Variants in HBEGF observed in about 807,000 individuals in gnomAD.
HBEGF encodes proheparin-binding EGF-like growth factor.
HBEGF carries 8 observed loss-of-function variants against 19.5 expected under a neutral mutation model. The ratio of observed to expected loss-of-function variants is 0.41; its 90% CI spans 0.24 to 0.74. HBEGF has a LOEUF of 0.74. Ranked by LOEUF, HBEGF falls within the 30% of genes least tolerant of loss-of-function variation. The pLI is 0.32. For synonymous variants in HBEGF, 97 were observed against 108.9 expected, an observed-to-expected ratio of 0.89 and a Z score of 0.68; for missense variants, 207 against 256.9, an observed-to-expected ratio of 0.81 and a Z score of 1.33.
rs1014389541 is a variant in HBEGF at position 140,332,972 on chromosome 5, C to T, written c.*1327G>A. 6.6e-6 allele frequency: 1 copy of T among 152,570 alleles called. No individual in the cohort carries two copies. Among genetic ancestry groups the T allele is most frequent in the African/African-American group, 2.4e-5 (1 of 41,430 alleles). 9.5% of individuals were successfully genotyped at this position (152,570 alleles called of 1,614,324 possible). A position where few individuals can be genotyped will look rare whatever the true frequency, so the allele number is the denominator to read the frequency against. On this transcript the variant is annotated 3_prime_UTR_variant, in exon 6 of 6. Coordinates refer to ENST00000230990, the MANE Select transcript of HBEGF (RefSeq NM_001945.3). ...AAGGACCATGACAGCATAACTTCAT[C>T]GTTTTGGTGAGGTGGGTGGGATTAT...
Position 140,346,251 on chromosome 5 carries a change from C to G in HBEGF, c.46+32G>C, listed in dbSNP as rs764754037. The G allele has an allele frequency of 2.6e-5, 42 of 1,590,532 alleles. No homozygotes were observed. Among genetic ancestry groups the G allele is most frequent in the Non-Finnish European group, 3.4e-5 (40 of 1,169,910 alleles). On this transcript the variant is annotated intron_variant, in intron 1 of 5. Transcript: ENST00000230990. The surrounding 1 kb of genome is among the most constrained non-coding windows in gnomAD (Gnocchi z 6.1). ...CCCCCAGCACAACGCCCCCATCCCC[C>G]CGATCTCCGGGGGCGTCGGCAGCCC...
At chr5:140,342,477 G>A (rs1206003667) in intron 3 of HBEGF, among the ~76,000 whole-genome samples, 158 bp downstream of exon 3, 1 of 152,270 alleles carries the variant, frequency 6.6e-6, no homozygotes, top group Non-Finnish European at 1.5e-5. Flanking sequence ...GGGGGCTTCC[G>A]CTGACTAAAA....
At chr5:140,345,096 C>G (rs775164546) in intron 2 of HBEGF, among the ~76,000 whole-genome samples, 2 of 152,206 alleles carry the variant, frequency 1.3e-5, no homozygotes, top group Non-Finnish European at 2.9e-5. Flanking sequence ...GGAACTAGAA[C>G]AGGTGGGCAT....
chr5:140,339,778 A>G (rs968907624), intron 3 of HBEGF, among the ~76,000 whole-genome samples: 1 of 152,144 alleles, frequency 6.6e-6, no homozygotes, highest in Non-Finnish European at 1.5e-5. Flanking sequence ...CTAGTTTAGG[A>G]AGCCAGCTAG....
At chr5:140,338,031 A>G (rs2126717068) in intron 3 of HBEGF, among the ~76,000 whole-genome samples, 1 of 152,358 alleles carries the variant, frequency 6.6e-6, no homozygotes, top group East Asian at 1.9e-4. Context: ...TGGCACAACT[A>G]GGAAGCAGCA....
At chr5:140,340,152 G>A (rs926401704) in intron 3 of HBEGF, among the ~76,000 whole-genome samples, 1 of 151,474 alleles carries the variant, frequency 6.6e-6, no homozygotes, top group African/African-American at 2.4e-5. Flanking sequence ...CAGATGTGGG[G>A]GCATGTGCCT....
At chr5:140,338,403 C>G (rs1388714669) in intron 3 of HBEGF, among the ~76,000 whole-genome samples, 1 of 152,178 alleles carries the variant, frequency 6.6e-6, no homozygotes, top group African/African-American at 2.4e-5. Context: ...GCTAGTGAGT[C>G]GTAGAGCCAG....
intron 4 of HBEGF, among the ~76,000 whole-genome samples, chr5:140,335,383 C>CAA (rs752308223): frequency 3.3e-5 from 3 of 91,092 alleles, no homozygotes; most frequent in Non-Finnish European, 4.6e-5. Flanking sequence ...GACTCTGTCT[C>CAA]AAAAAAAAAA....
At chr5:140,336,079 T>C in intron 3 of HBEGF, 52 bp from the exon 4 acceptor site, 1 of 1,582,118 alleles carries the variant, frequency 6.3e-7, no homozygotes, top group Non-Finnish European at 8.6e-7. Context: ...TGGCCTCTCT[T>C]GGCAATGGCC....
chr5:140,334,725 T>A lies in HBEGF; in HGVS notation c.578A>T (p.Asp193Val). The stretch of plus-strand genomic sequence containing the variant: ...CTTCACTTTCTCTTCATTTTCCACA[T>A]CATAACCTCCTCTCCTATGGTACCT... ...MFRYHRRGGYDVENEEKVKLG... is the reference protein window; with the variant it reads ...MFRYHRRGGYVVENEEKVKLG... Residue 193 changes from aspartate (D) to valine (V), a missense_variant, in exon 5 of 6, where the codon GAT becomes GTT. This residue lies in a region of HBEGF where 77 missense variants were observed against 106.9 expected (regional missense o/e 0.72). Transcript: ENST00000230990. 6.2e-7 allele frequency: 1 copy of A among 1,613,820 alleles called. No individual in the cohort carries two copies. Among genetic ancestry groups the A allele is most frequent in the Non-Finnish European group, 8.5e-7 (1 of 1,179,736 alleles).
In HBEGF at chr5:140,333,057, G is replaced by C. The variant is rs543403168; in HGVS notation, c.*1242C>G. 6.5e-6 allele frequency: 1 copy of C among 152,782 alleles called. No individual in the cohort carries two copies. Among genetic ancestry groups the C allele is most frequent in the Admixed American group, 6.5e-5 (1 of 15,312 alleles). 9.5% of individuals were successfully genotyped at this position (152,782 alleles called of 1,614,324 possible). On this transcript the variant is annotated 3_prime_UTR_variant, in exon 6 of 6. Transcript: ENST00000230990. ...CAATTGGCAGGTAATCAGTTACCAA[G>C]AACAGTCAGCTCCAATGTTCCCTGT...
At chr5:140,345,080 G>T (rs1270890691) in intron 2 of HBEGF, among the ~76,000 whole-genome samples, 2 of 152,226 alleles carry the variant, frequency 1.3e-5, no homozygotes, top group African/African-American at 4.8e-5. Flanking sequence ...CAGCTGAGGA[G>T]CAGGTGGAAC....
Position 140,342,520 on chromosome 5 carries a change from A to C in HBEGF, c.398+115T>G. On this transcript the variant is annotated intron_variant, in intron 3 of 5. Transcript: ENST00000230990. The stretch of plus-strand genomic sequence containing the variant: ...TCCCCTCCTCCCAACTTCCGCCCAG[A>C]GGTTGAGAAGAAACTGGGTGAAATT... The C allele has an allele frequency of 3.9e-6, 4 of 1,030,540 alleles. No individual in the cohort carries two copies. In the South Asian group the frequency reaches 6.0e-5, roughly 16 times the overall value. The allele number at this position is 1,030,540 out of a possible 1,614,324, so 63.8% of individuals were successfully genotyped here. A position where few individuals can be genotyped will look rare whatever the true frequency, so the allele number is the denominator to read the frequency against.
At position 140,345,938 on chromosome 5, in the gene HBEGF, G is replaced by C. The variant is rs755611933; in HGVS notation, c.193C>G (p.Gln65Glu). 5.0e-6 allele frequency: 8 copies of C among 1,614,230 alleles called. No homozygotes were observed. The highest frequency in any genetic ancestry group is 6.8e-6 in the Non-Finnish European group (8 of 1,180,024). Residue 65 changes from glutamine to glutamate, a missense_variant, in exon 2 of 6, where the codon CAA becomes GAA. Gln to Glu is a conservative substitution (Grantham distance 29, BLOSUM62 2). Around this residue, in one of 3 missense-constraint regions of HBEGF, gnomAD observed 127 missense variants for 132.7 expected, o/e 0.96. Transcript: ENST00000230990. ...CTCAAAAGGTCCAGATCTGCCTCTT[G>C]CAAGTCACGGACTTTCCGGTCCCGG... ...GGRDRKVRDL[Q>E]EADLDLLRVT...
At chr5:140,337,796 C>T (rs1481867934) in intron 3 of HBEGF, among the ~76,000 whole-genome samples, 1 of 152,140 alleles carries the variant, frequency 6.6e-6, no homozygotes, top group Non-Finnish European at 1.5e-5. Context: ...TCCCATCAGC[C>T]CATGTAGGCC....
chr5:140,340,582 C>CAAA (rs61489261), intron 3 of HBEGF, among the ~76,000 whole-genome samples: 360 of 59,730 alleles, frequency 6.0e-3, no homozygotes, highest in Non-Finnish European at 8.2e-3. Flanking sequence ...GACTCTGTCT[C>CAAA]AAAAAAAAAA....
Position 140,335,978 on chromosome 5 carries a change from C to T in HBEGF, c.448G>A (p.Val150Met). The change falls in exon 4 of 6, where the codon GTG (valine) becomes ATG (methionine). Residue 150 changes from valine to methionine, a missense_variant. Val to Met is a conservative substitution (Grantham distance 21). This residue lies in a region of HBEGF where 77 missense variants were observed against 106.9 expected (regional missense o/e 0.72). Transcript: ENST00000230990. The stretch of plus-strand genomic sequence containing the variant: ...TCATAGGTATATAAGCGATTTTCCA[C>T]TGGGAGGCTCAGCCCATGACACCTC... ...GERCHGLSLP[V>M]ENRLYTYDHT... 1 of 1,614,216 alleles carries T rather than the reference C, an allele frequency of 6.2e-7. No individual in the cohort carries two copies. The highest frequency in any genetic ancestry group is 8.5e-7 in the Non-Finnish European group (1 of 1,180,028).
At chr5:140,341,784 C>T (rs4150215) in intron 3 of HBEGF, among the ~76,000 whole-genome samples, 2,139 of 152,308 alleles carry the variant, frequency 0.014, 57 homozygotes, top group African/African-American at 0.05. Flanking sequence ...TGCAGCCTGA[C>T]GCAGGGTGTT....
At chr5:140,345,579 A>G (rs917185736) in intron 2 of HBEGF, among the ~76,000 whole-genome samples, 3 of 152,138 alleles carry the variant, frequency 2.0e-5, no homozygotes, top group Non-Finnish European at 2.9e-5. Flanking sequence ...CCATTTTTAC[A>G]TAGTAGCTCT....
Sources: allele counts gnomAD v4.1 joint callset (sites outside exome capture counted in the v4.1 genomes callset), GRCh38; gene constraint gnomAD v4.1.1; regional missense constraint gnomAD v4.1.1; non-coding constraint Gnocchi (gnomAD v3.1); transcripts MANE v1.5; gene names NCBI Gene and HGNC (gene_info 2026-07-23, HGNC 2026-07-21).